Variants in GPHN observed in about 807,000 individuals in gnomAD.
GPHN encodes gephyrin.
In GPHN, 17 loss-of-function variants were observed where a neutral mutation model predicts 95.5. The ratio of observed to expected loss-of-function variants is 0.18; its 90% CI spans 0.12 to 0.27. The LOEUF is 0.27. Among genes scored for constraint, GPHN ranks in the 10% least tolerant of loss-of-function variants. GPHN has a pLI of 1.00. For missense variants in GPHN, 660 were observed against 978.1 expected (o/e 0.67, Z 4.34); for synonymous variants, 320 against 322.5 (o/e 0.99, Z 0.08).
At chr14:67,395,712 A>G in the GPHN span, 2 of 666,256 alleles carry the variant, frequency 3.0e-6, no homozygotes, top group Non-Finnish European at 5.2e-6. Context: ...CCTCGGCCAC[A>G]TAGCAGGTAG....
chr14:67,382,875 A>G, the GPHN span, among the ~76,000 whole-genome samples: 1 of 151,698 alleles, frequency 6.6e-6, no homozygotes, highest in Admixed American at 6.6e-5. Flanking sequence ...TTCCTTGTCC[A>G]ACAAGAAAGA....
At chr14:66,750,590 C>T (rs2058329024) in intron 2 of GPHN, among the ~76,000 whole-genome samples, 1 of 151,814 alleles carries the variant, frequency 6.6e-6, no homozygotes, top group South Asian at 2.1e-4. Context: ...AAAGTTGATT[C>T]ATAATAATGT....
intron 2 of GPHN, among the ~76,000 whole-genome samples, chr14:66,703,876 G>A (rs1331913826): frequency 6.6e-6 from 1 of 151,642 alleles, no homozygotes; most frequent in Non-Finnish European, 1.5e-5. Context: ...TTGGTGTGCT[G>A]TATTCAGGAG....
chr14:66,856,227 G>A (rs2062799380), intron 4 of GPHN, among the ~76,000 whole-genome samples: 1 of 152,064 alleles, frequency 6.6e-6, no homozygotes, highest in Admixed American at 6.5e-5. Context: ...TTAAGATGTG[G>A]GAACATGGGT....
chr14:67,178,058 TATATTTAAGGTTA>T (rs2083104169), intron 21 of GPHN, among the ~76,000 whole-genome samples: 1 of 152,244 alleles, frequency 6.6e-6, no homozygotes, highest in Non-Finnish European at 1.5e-5. Context: ...TTAGCCCATT[TATATTTAAGGTTA>T]ATATTGTTAT....
chr14:67,108,031 G>C (rs748795156), intron 13 of GPHN, among the ~76,000 whole-genome samples: 1 of 152,156 alleles, frequency 6.6e-6, no homozygotes, highest in Non-Finnish European at 1.5e-5. Flanking sequence ...TCTGGAAAAA[G>C]GATGATTAAA....
chr14:67,596,878 T>G, the GPHN span, among the ~76,000 whole-genome samples: 1 of 152,224 alleles, frequency 6.6e-6, no homozygotes, highest in African/African-American at 2.4e-5. Flanking sequence ...CTGAGGAAAT[T>G]TGGAAGTCTA....
At chr14:67,615,820 CA>C in the GPHN span, 1 of 592,932 alleles carries the variant, frequency 1.7e-6, no homozygotes, top group Non-Finnish European at 3.1e-6. Flanking sequence ...GCCCAAAAGT[CA>C]AAAGAGAACA....
chr14:67,520,242 A>G, the GPHN span, among the ~76,000 whole-genome samples: 2 of 152,088 alleles, frequency 1.3e-5, no homozygotes, highest in African/African-American at 2.4e-5. Context: ...TGTTCTTTTT[A>G]TGAGTTTGGA....
chr14:66,588,624 A>G (rs530181269), intron 1 of GPHN, among the ~76,000 whole-genome samples: 1 of 152,250 alleles, frequency 6.6e-6, no homozygotes, highest in East Asian at 1.9e-4. Flanking sequence ...ATCAAGCGGA[A>G]GAAATGATAT....
chr14:66,885,663 T>C (rs1478560546), intron 5 of GPHN, among the ~76,000 whole-genome samples: 1 of 152,126 alleles, frequency 6.6e-6, no homozygotes, highest in Non-Finnish European at 1.5e-5. Context: ...ATTTTTCTTC[T>C]TCTCTTTTGG....
At chr14:67,702,350 A>G in the GPHN span, among the ~76,000 whole-genome samples, 250 of 152,296 alleles carry the variant, frequency 1.6e-3, 13 homozygotes, top group South Asian at 0.051. Context: ...CAAGAAATTT[A>G]AAGTTAAATA....
chr14:66,683,776 G>C (rs924557103), intron 2 of GPHN, among the ~76,000 whole-genome samples: 3 of 151,578 alleles, frequency 2.0e-5, no homozygotes, highest in African/African-American at 7.3e-5. Flanking sequence ...AGGAGATCGA[G>C]ACCATCCTGG....
At chr14:67,262,495 ATTCT>A in the GPHN span, among the ~76,000 whole-genome samples, 2 of 152,126 alleles carry the variant, frequency 1.3e-5, no homozygotes, top group African/African-American at 4.8e-5. Flanking sequence ...CTGTGAAATC[ATTCT>A]TTATAATAAC....
At chr14:67,457,239 C>T in the GPHN span, among the ~76,000 whole-genome samples, 2 of 152,076 alleles carry the variant, frequency 1.3e-5, no homozygotes, top group African/African-American at 4.8e-5. Flanking sequence ...ACTCAATTTA[C>T]CTATATAAGA....
At chr14:67,252,765 T>C in the GPHN span, among the ~76,000 whole-genome samples, 3 of 152,200 alleles carry the variant, frequency 2.0e-5, no homozygotes, top group Non-Finnish European at 4.4e-5. Context: ...TGGTTTCAAT[T>C]TGTACTTTTA....
At chr14:66,898,224 C>T (rs1336268627) in intron 5 of GPHN, among the ~76,000 whole-genome samples, 1 of 151,840 alleles carries the variant, frequency 6.6e-6, no homozygotes, top group East Asian at 1.9e-4. Flanking sequence ...TCCAATTTAT[C>T]ATCTTTTTCT....
chr14:67,208,284 TCA>T, the GPHN span: 14 of 1,613,982 alleles, frequency 8.7e-6, no homozygotes, highest in Non-Finnish European at 1.2e-5. Context: ...TCAAAACATG[TCA>T]CCATCTCAAA....
Position 66,934,665 on chromosome 14 carries a change from G to A in GPHN, c.828+10373G>A, listed in dbSNP as rs75105216. ...GGAAATATACAACCCCAAGAATTACGTCTTGGGACCGTGAATGGAATGCCT... is the reference window on the plus strand; with the variant it reads ...GGAAATATACAACCCCAAGAATTACATCTTGGGACCGTGAATGGAATGCCT... On this transcript the variant is annotated intron_variant, in intron 8 of 22. Coordinates refer to ENST00000478722, the MANE Select transcript of GPHN (RefSeq NM_020806.5). Among the ~76,000 whole-genome samples the A allele has an allele frequency of 3.1e-3, 477 of 152,268 alleles. 11 individuals carry two copies. Among genetic ancestry groups the A allele is most frequent in the African/African-American group, 0.011 (447 of 41,546 alleles).
Sources: gnomAD v4.1 joint callset for allele counts (sites outside exome capture counted in the v4.1 genomes callset) on GRCh38, gnomAD v4.1.1 for gene constraint, MANE v1.5 for transcripts, NCBI Gene and HGNC (gene_info 2026-07-23, HGNC 2026-07-21) for gene names.